Variants in F13B observed in about 807,000 individuals in gnomAD.
F13B encodes TGase.
In F13B, 58 loss-of-function variants were observed where a neutral mutation model predicts 79.8. The ratio of observed to expected loss-of-function variants is 0.73; its 90% CI spans 0.59 to 0.90. The LOEUF is 0.90. Among genes scored for constraint, F13B ranks in the 40% least tolerant of loss-of-function variants. The pLI is 0.00. For missense variants in F13B, 773 were observed against 777.0 expected (o/e 0.99, Z 0.06); for synonymous variants, 283 against 260.3 (o/e 1.09, Z -0.84).
At chr1:197,044,705 A>G (rs1655165753) in intron 10 of F13B, among the ~76,000 whole-genome samples, 1 of 152,192 alleles carries the variant, frequency 6.6e-6, no homozygotes, top group Non-Finnish European at 1.5e-5. Context: ...AAGAATATAC[A>G]TTCTTCTCAG....
intron 1 of F13B, among the ~76,000 whole-genome samples, chr1:197,066,703 A>G (rs1237039168): frequency 6.6e-6 from 1 of 152,226 alleles, no homozygotes; most frequent in Non-Finnish European, 1.5e-5. Flanking sequence ...GATAAAAATC[A>G]AAGTCTCAAA....
At chr1:197,042,961 G>A (rs1185256350) in intron 10 of F13B, among the ~76,000 whole-genome samples, 1 of 151,718 alleles carries the variant, frequency 6.6e-6, no homozygotes, top group Non-Finnish European at 1.5e-5. Context: ...TGGAGTTGAA[G>A]ATAGAAAAAT....
At chr1:197,050,264 T>A (rs1655395372) in intron 10 of F13B, among the ~76,000 whole-genome samples, 1 of 152,166 alleles carries the variant, frequency 6.6e-6, no homozygotes, top group African/African-American at 2.4e-5. Context: ...TTAGTAAATG[T>A]TGTTACTCTT....
At chr1:197,061,672 G>T in intron 3 of F13B, 112 bp downstream of exon 3, 1 of 898,730 alleles carries the variant, frequency 1.1e-6, no homozygotes, top group Non-Finnish European at 1.7e-6. Context: ...CTGCATTGTA[G>T]ACATAATGAA....
At chr1:197,051,595 G>T (rs1006098004) in intron 9 of F13B, among the ~76,000 whole-genome samples, 32 of 151,988 alleles carry the variant, frequency 2.1e-4, no homozygotes, top group Non-Finnish European at 8.8e-5. Context: ...AAAACCTCTT[G>T]ATTTTTTCCC....
chr1:197,055,454 T>G (rs1655607582), intron 8 of F13B, among the ~76,000 whole-genome samples: 1 of 151,932 alleles, frequency 6.6e-6, no homozygotes, highest in Non-Finnish European at 1.5e-5. Context: ...AAAAGCTAAT[T>G]GGTCACAAAA....
chr1:197,046,781 C>T (rs1236882954), intron 10 of F13B, among the ~76,000 whole-genome samples: 1 of 152,102 alleles, frequency 6.6e-6, no homozygotes. Flanking sequence ...GCTACAGTAA[C>T]CAAAACAGCA....
chr1:197,061,784 C>A lies in F13B; in HGVS notation c.451G>T (p.Glu151Ter). The A allele has an allele frequency of 6.2e-7, 1 of 1,612,080 alleles. No homozygotes were observed. The highest frequency in any genetic ancestry group is 8.5e-7 in the Non-Finnish European group (1 of 1,178,668). ...CAGTTTTAGGAAATGATTCTTATAC[C>A]ATGTTCTTTCCTACAGGTTGGTTGA... ...SSQPTCRKEH[E>*]TCLAPELYNG... Residue 151 changes from glutamate (E) to a stop codon, truncating the protein, a stop_gained and splice_region_variant, in exon 3 of 12, where the codon GAA becomes TAA. Transcript: ENST00000367412. LOFTEE classifies it high-confidence loss of function.
intron 5 of F13B, among the ~76,000 whole-genome samples, chr1:197,059,679 T>C (rs1162409974): frequency 6.6e-6 from 1 of 152,194 alleles, no homozygotes; most frequent in African/African-American, 2.4e-5. Flanking sequence ...ACTTTGTACC[T>C]GAGTTGATTG....
chr1:197,054,541 TA>T (rs1655564310), intron 8 of F13B, among the ~76,000 whole-genome samples: 1 of 151,526 alleles, frequency 6.6e-6, no homozygotes, highest in South Asian at 2.1e-4. Context: ...AAAAATAAAT[TA>T]AAAATAATTG....
Position 197,055,812 on chromosome 1 carries a change from G to T in F13B, c.1257C>A (p.Ser419=), listed in dbSNP as rs761403510. Residue 419 remains serine (S), a synonymous_variant, in exon 8 of 12, where the codon TCC becomes TCA. Coordinates refer to ENST00000367412, the MANE Select transcript of F13B (RefSeq NM_001994.3). ...ATTCATTGCATCTATATTCCACTGA[G>T]GATCCTGTTGCATAGCTTGCCAATA... ...DGILASYATG[S]SVEYRCNEYY... 6.6e-5 allele frequency: 106 copies of T among 1,613,356 alleles called. 1 individual carries two copies. In the Admixed American group the frequency reaches 7.7e-4, roughly 12 times the overall value.
intron 10 of F13B, among the ~76,000 whole-genome samples, chr1:197,047,396 T>G (rs1571554538): frequency 6.6e-6 from 1 of 152,134 alleles, no homozygotes. Context: ...CCAACAGACA[T>G]ATGAAAAAAT....
intron 5 of F13B, among the ~76,000 whole-genome samples, chr1:197,058,943 T>G (rs904735246): frequency 4.6e-5 from 7 of 152,112 alleles, no homozygotes; most frequent in African/African-American, 1.7e-4. Flanking sequence ...CTTAAGTAGG[T>G]CTGCCATTTA....
chr1:197,050,282 T>A (rs1026165326), intron 10 of F13B, among the ~76,000 whole-genome samples: 1 of 152,174 alleles, frequency 6.6e-6, no homozygotes, highest in Non-Finnish European at 1.5e-5. Context: ...CTTACTAGGA[T>A]GCCTTGCTAA....
Position 197,057,168 on chromosome 1 carries a change from G to A in F13B, c.1016C>T (p.Pro339Leu), listed in dbSNP as rs950755576. 1.9e-6 allele frequency: 3 copies of A among 1,613,766 alleles called. No individual in the cohort carries two copies. The highest frequency in any genetic ancestry group is 2.2e-5 in the South Asian group (2 of 91,078). ...EGQEKVACEE[P>L]PFIENGAANL... ...TGCTGCACCATTTTCAATGAAGGGT[G>A]GTTCCTCACAGGCTACCTTCTCCTG... The change falls in exon 7 of 12, where the codon CCA becomes CTA. Residue 339 changes from proline (P) to leucine (L), a missense_variant. Pro to Leu is a moderately conservative substitution (Grantham distance 98, BLOSUM62 -3). Coordinates refer to ENST00000367412, the MANE Select transcript of F13B (RefSeq NM_001994.3).
chr1:197,052,703 T>C lies in F13B; in HGVS notation c.1486A>G (p.Thr496Ala), dbSNP rs994556587. 1.2e-6 allele frequency: 2 copies of C among 1,612,168 alleles called. No individual in the cohort carries two copies. The highest frequency in any genetic ancestry group is 1.7e-6 in the Non-Finnish European group (2 of 1,178,922). The change falls in exon 9 of 12, where the codon ACC (threonine) becomes GCC (alanine). Residue 496 changes from threonine (T) to alanine (A), a missense_variant. By Grantham distance (58) the Thr-to-Ala change is moderately conservative. Transcript: ENST00000367412. ...CKQGYDLSPLTPLSELSVQCN... is the reference protein window; with the variant it reads ...CKQGYDLSPLAPLSELSVQCN... ...TGCACAGATAATTCAGACAATGGGGTTAATGGAGATAAGTCATATCCCTGT... is the reference window on the plus strand; with the variant it reads ...TGCACAGATAATTCAGACAATGGGGCTAATGGAGATAAGTCATATCCCTGT...
At chr1:197,066,282 C>G (rs996260395) in intron 1 of F13B, among the ~76,000 whole-genome samples, 13 of 152,150 alleles carry the variant, frequency 8.5e-5, no homozygotes, top group African/African-American at 3.1e-4. Flanking sequence ...ACAGTTAAAA[C>G]TTATGTATTT....
At position 197,039,044 on chromosome 1, in the gene F13B, G is replaced by A. The variant is rs564398246; in HGVS notation, c.*334C>T. The A allele has an allele frequency of 2.4e-5, 5 of 208,960 alleles. No individual in the cohort carries two copies. Among genetic ancestry groups the A allele is most frequent in the Non-Finnish European group, 3.9e-5 (4 of 103,786 alleles). The allele number at this position is 208,960 out of a possible 1,614,324, so 12.9% of individuals were successfully genotyped here. ...AATATTAATAAAGATGATGACGAAT[G>A]TGAATGTGAAATTTTTGCACATACA... On this transcript the variant is annotated 3_prime_UTR_variant, in exon 12 of 12. Transcript: ENST00000367412.
intron 10 of F13B, among the ~76,000 whole-genome samples, chr1:197,046,454 C>T (rs575190772): frequency 7.2e-5 from 11 of 152,252 alleles, no homozygotes; most frequent in African/African-American, 2.6e-4. Context: ...ATCCAACTTA[C>T]AAGGGATGTG....
Sources: allele counts gnomAD v4.1 joint callset (sites outside exome capture counted in the v4.1 genomes callset), GRCh38; gene constraint gnomAD v4.1.1; transcripts MANE v1.5; gene names NCBI Gene and HGNC (gene_info 2026-07-23, HGNC 2026-07-21).